CYLD: variants seen among roughly 807,000 people sequenced by gnomAD.
CYLD encodes CYLD lysine 63 deubiquitinase, also known as ubiquitin carboxyl-terminal hydrolase CYLD.
Under a neutral mutation model 104.5 loss-of-function variants are expected in CYLD, and 26 were observed. The observed-to-expected ratio is 0.25, with a 90% CI of 0.18 to 0.35. The LOEUF (loss-of-function observed/expected upper bound fraction) is 0.35. Ranked by LOEUF, CYLD falls within the 10% of genes least tolerant of loss-of-function variation. The probability of loss-of-function intolerance (pLI) is 1.00; values close to 1 mark genes in which losing one functional copy is unlikely to be tolerated. For missense variants in CYLD, 703 were observed against 1,136.1 expected, an observed-to-expected ratio of 0.62 and a Z score of 5.48; for synonymous variants, 385 against 399.9, an observed-to-expected ratio of 0.96 and a Z score of 0.45.
rs1162538506 is a variant in CYLD at position 50,779,991 on chromosome 16, C to T, written c.1465C>T (p.Arg489Cys). 1.2e-6 allele frequency: 2 copies of T among 1,614,128 alleles called. No homozygotes were observed. Among genetic ancestry groups the T allele is most frequent in the Non-Finnish European group, 1.7e-6 (2 of 1,179,982 alleles). Reference sequence around the variant, plus strand: ...GAACCCTCCTTTCTATGGGGTAATCCGTTGGATCGGTCAGCCACCAGGACT... The same window carrying T: ...GAACCCTCCTTTCTATGGGGTAATCTGTTGGATCGGTCAGCCACCAGGACT... ...KENPPFYGVI[R>C]WIGQPPGLNE... Residue 489 changes from arginine to cysteine, a missense_variant, in exon 9 of 19, where the codon CGT (arginine) becomes TGT (cysteine). This residue lies in a region of CYLD where 183 missense variants were observed against 212.1 expected (regional missense o/e 0.86). Transcript: ENST00000427738.
chr16:50,768,488 G>T (rs1968764877), intron 5 of CYLD, among the ~76,000 whole-genome samples: 1 of 152,176 alleles, frequency 6.6e-6, no homozygotes, highest in Admixed American at 6.5e-5. Context: ...GAATGGCTGG[G>T]AAGCTTAGGA....
intron 5 of CYLD, among the ~76,000 whole-genome samples, 152 bp from the exon 6 acceptor site, chr16:50,775,014 A>T (rs1365201258): frequency 6.6e-6 from 1 of 152,208 alleles, no homozygotes; most frequent in African/African-American, 2.4e-5. Flanking sequence ...CATGGAAAAA[A>T]GTTACCAAGT....
intron 7 of CYLD, 48 bp downstream of exon 7, chr16:50,776,325 C>T: frequency 1.6e-6 from 2 of 1,245,042 alleles, no homozygotes; most frequent in Non-Finnish European, 2.4e-6. Flanking sequence ...TAATGCCTAA[C>T]TTGCCATAGC....
At chr16:50,761,746 A>ATATCTATCTATCAATCTATC (rs1555506335) in intron 5 of CYLD, among the ~76,000 whole-genome samples, 1 of 149,778 alleles carries the variant, frequency 6.7e-6, no homozygotes, top group Admixed American at 6.6e-5. Flanking sequence ...ACATATCTCT[A>ATATCTATCTATCAATCTATC]TATCTATCTA....
chr16:50,783,337 C>T (rs746807541), intron 11 of CYLD, among the ~76,000 whole-genome samples: 1 of 151,950 alleles, frequency 6.6e-6, no homozygotes, highest in African/African-American at 2.4e-5. Flanking sequence ...AGTTCTGTAG[C>T]CATATGATAA....
Position 50,779,804 on chromosome 16 carries a change from G to A in CYLD, c.1278G>A (p.Met426Ile). 6.2e-7 allele frequency: 1 copy of A among 1,612,638 alleles called. No homozygotes were observed. The highest frequency in any genetic ancestry group is 8.5e-7 in the Non-Finnish European group (1 of 1,179,800). The part of the protein sequence containing the change: ...FHSLPFSLTK[M>I]PNTNGSIGHS... ...CTTTACCATTCAGTCTCACCAAGAT[G>A]CCCAATACCAATGGAAGTATTGGCC... The change falls in exon 9 of 19, where the codon ATG becomes ATA. Residue 426 changes from methionine (M) to isoleucine (I), a missense_variant. Physicochemically the swap from Met to Ile is conservative, Grantham distance 10. This residue lies in a region of CYLD where 183 missense variants were observed against 212.1 expected (regional missense o/e 0.86). Coordinates refer to ENST00000427738, the MANE Select transcript of CYLD (RefSeq NM_001378743.1).
chr16:50,760,374 C>A (rs11864090), intron 5 of CYLD, among the ~76,000 whole-genome samples: 1,941 of 152,186 alleles, frequency 0.013, 49 homozygotes, highest in African/African-American at 0.044. Flanking sequence ...TTAAAAAGTA[C>A]AATAAAATAT....
At chr16:50,743,923 C>CT (rs1349095366) in intron 2 of CYLD, among the ~76,000 whole-genome samples, 13 of 152,304 alleles carry the variant, frequency 8.5e-5, no homozygotes, top group African/African-American at 3.1e-4. Flanking sequence ...ATTCCTGAGT[C>CT]TTTTTCTCTT....
chr16:50,767,021 A>G (rs1800360321), intron 5 of CYLD, among the ~76,000 whole-genome samples: 1 of 152,206 alleles, frequency 6.6e-6, no homozygotes, highest in South Asian at 2.1e-4. Context: ...TTCTATTGTG[A>G]GTAAAATGCT....
intron 5 of CYLD, among the ~76,000 whole-genome samples, chr16:50,760,623 G>T (rs1370739083): frequency 2.6e-5 from 4 of 152,062 alleles, no homozygotes; most frequent in Non-Finnish European, 4.4e-5. Context: ...GCAAACAGAG[G>T]TTCTTGTTTT....
In CYLD at chr16:50,781,377, G is replaced by A. The variant is rs748503826; in HGVS notation, c.1650G>A (p.Pro550=). 1.2e-6 allele frequency: 2 copies of A among 1,613,686 alleles called. No individual in the cohort carries two copies. The highest frequency in any genetic ancestry group is 1.1e-5 in the South Asian group (1 of 91,060). ...RPDSRFASLQ[P]VSNQIERCNS... The stretch of plus-strand genomic sequence containing the variant: ...ACTCTAGGTTTGCATCATTGCAGCC[G>A]GTTTCCAATCAGATTGAGCGCTGTA... Residue 550 remains proline (P), a synonymous_variant, in exon 10 of 19, where the codon CCG becomes CCA. Coordinates refer to ENST00000427738, the MANE Select transcript of CYLD (RefSeq NM_001378743.1).
At position 50,796,668 on chromosome 16, in the gene CYLD, G is replaced by A. The variant is rs2151048518; in HGVS notation, c.*160G>A. Reference sequence around the variant, plus strand: ...CTCTGTTTAAAAACAAATTGCTTTTGTGTCCCTGAAGTATTTAATAAGAAG... The same window carrying A: ...CTCTGTTTAAAAACAAATTGCTTTTATGTCCCTGAAGTATTTAATAAGAAG... On this transcript the variant is annotated 3_prime_UTR_variant, in exon 19 of 19. Transcript: ENST00000427738. 2.7e-6 allele frequency: 2 copies of A among 734,564 alleles called. No individual in the cohort carries two copies. Among genetic ancestry groups the A allele is most frequent in the East Asian group, 2.7e-5 (1 of 37,396 alleles). 45.5% of individuals were successfully genotyped at this position (734,564 alleles called of 1,614,324 possible). A position where few individuals can be genotyped will look rare whatever the true frequency, so the allele number is the denominator to read the frequency against.
At position 50,797,336 on chromosome 16, in the gene CYLD, A is replaced by C; in HGVS notation, c.*828A>C. 1 of 232,426 alleles carries C rather than the reference A, an allele frequency of 4.3e-6. No homozygotes were observed. The highest frequency in any genetic ancestry group is 8.5e-6 in the Non-Finnish European group (1 of 117,482). 14.4% of individuals were successfully genotyped at this position (232,426 alleles called of 1,614,324 possible). On this transcript the variant is annotated 3_prime_UTR_variant, in exon 19 of 19. Coordinates refer to ENST00000427738, the MANE Select transcript of CYLD (RefSeq NM_001378743.1). ...GGAGTGATAATAGTCCTTTACAAAC[A>C]TACAGTCCATAAGAAAATGAATTTG...
chr16:50,764,225 A>G lies in CYLD; in HGVS notation c.913+9801A>G, dbSNP rs972912071. Among the ~76,000 whole-genome samples the G allele has an allele frequency of 5.3e-5, 8 of 152,256 alleles. No individual in the cohort carries two copies. In the South Asian group the frequency reaches 1.7e-3, roughly 32 times the overall value. On this transcript the variant is annotated intron_variant, in intron 5 of 18. Transcript: ENST00000427738. ...GTGCTTGTCTCATAAAGTACCTGGGAAAGGTTTCTTTTATTTTGTTATTTG... is the reference window on the plus strand; with the variant it reads ...GTGCTTGTCTCATAAAGTACCTGGGGAAGGTTTCTTTTATTTTGTTATTTG...
In CYLD at chr16:50,794,133, G is replaced by C. The variant is rs773086367; in HGVS notation, c.2470-79G>C. 37 of 1,308,308 alleles carry C rather than the reference G, an allele frequency of 2.8e-5. No individual in the cohort carries two copies. The highest frequency in any genetic ancestry group is 9.9e-6 in the Non-Finnish European group (9 of 905,566). 81.0% of individuals were successfully genotyped at this position (1,308,308 alleles called of 1,614,324 possible). A position where few individuals can be genotyped will look rare whatever the true frequency, so the allele number is the denominator to read the frequency against. On this transcript the variant is annotated intron_variant, in intron 17 of 18. Coordinates refer to ENST00000427738, the MANE Select transcript of CYLD (RefSeq NM_001378743.1). This position sits in a 1 kb window ranked among gnomAD's most constrained non-coding sequence, Gnocchi z 4.1. ...AACAGAGACAGGGTTTCACCATCTT[G>C]ATCAGGCTGGTCTTGAACTCCTGAC...
Position 50,801,083 on chromosome 16 carries a change from C to T in CYLD, c.*4575C>T, listed in dbSNP as rs1597108677. On this transcript the variant is annotated 3_prime_UTR_variant, in exon 19 of 19. Coordinates refer to ENST00000427738, the MANE Select transcript of CYLD (RefSeq NM_001378743.1). ...GCAGGGTGTTCGCATTGCCCTTCTC[C>T]GTTCCCCTTCAGACCTTTCTGGGGA... 1.3e-5 allele frequency: 3 copies of T among 233,318 alleles called. No individual in the cohort carries two copies. Among genetic ancestry groups the T allele is most frequent in the Admixed American group, 5.6e-5 (1 of 17,778 alleles). 14.5% of individuals were successfully genotyped at this position (233,318 alleles called of 1,614,324 possible).
chr16:50,754,479 T>A (rs1162195051), intron 5 of CYLD, 55 bp downstream of exon 5: 18 of 1,131,056 alleles, frequency 1.6e-5, no homozygotes, highest in Admixed American at 8.0e-5. Flanking sequence ...TTTAATTTTT[T>A]ATTTTTTTAT....
At chr16:50,758,247 T>C (rs1385785621) in intron 5 of CYLD, among the ~76,000 whole-genome samples, 1 of 152,158 alleles carries the variant, frequency 6.6e-6, no homozygotes, top group Admixed American at 6.5e-5. Context: ...GGAGAGAACA[T>C]GTGGATTCCG....
chr16:50,775,898 GACT>G, intron 6 of CYLD, among the ~76,000 whole-genome samples: 1 of 152,266 alleles, frequency 6.6e-6, no homozygotes, highest in African/African-American at 2.4e-5. Flanking sequence ...AAATAAAATT[GACT>G]ACAAGTGATT....
Sources: gnomAD v4.1 joint callset for allele counts (sites outside exome capture counted in the v4.1 genomes callset) on GRCh38, gnomAD v4.1.1 for gene constraint, gnomAD v4.1.1 regional missense constraint, Gnocchi (gnomAD v3.1) non-coding constraint, MANE v1.5 for transcripts, NCBI Gene and HGNC (gene_info 2026-07-23, HGNC 2026-07-21) for gene names.